The following CANX variants were observed in gnomAD, a reference collection of about 807,000 sequenced individuals.
CANX encodes the protein epididymis secretory sperm binding protein.
Under a neutral mutation model 75.7 loss-of-function variants are expected in CANX, and 14 were observed. The ratio of observed to expected loss-of-function variants is 0.19; its 90% CI spans 0.12 to 0.29. The LOEUF is 0.29. Ranked by LOEUF, CANX falls within the 10% of genes least tolerant of loss-of-function variation. CANX has a pLI of 1.00. For synonymous variants in CANX, 227 were observed against 236.9 expected, an observed-to-expected ratio of 0.96 and a Z score of 0.38; for missense variants, 567 against 713.2, an observed-to-expected ratio of 0.79 and a Z score of 2.34.
Position 179,686,102 on chromosome 5 carries a change from C to CTTTTTTTTTTTTTTTTTT in CANX, c.-4+7339_-4+7340insTTTTTTTTTTTTTTTTTT, listed in dbSNP as rs757104413. 2.3e-5 allele frequency among the ~76,000 whole-genome samples: 3 copies of CTTTTTTTTTTTTTTTTTT among 128,622 alleles called. 1 individual carries two copies. The highest frequency in any genetic ancestry group is 2.8e-5 in the African/African-American group (1 of 35,180). 84.4% of individuals were successfully genotyped at this position (128,622 alleles called of 152,430 possible). On this transcript the variant is annotated intron_variant, in intron 1 of 14. Coordinates refer to the CANX transcript ENST00000681674. ...ATTTTGATGAAGTGGTTGTTCAAGTCTTTTTTTTTTTTTTGAGACGGAGTC... is the reference window on the plus strand; with the variant it reads ...ATTTTGATGAAGTGGTTGTTCAAGTCTTTTTTTTTTTTTTTTTTTTTTTTTTTTTTTTGAGACGGAGTC...
chr5:179,719,223 C>T (rs927792667), intron 8 of CANX, among the ~76,000 whole-genome samples: 4 of 152,306 alleles, frequency 2.6e-5, no homozygotes, highest in Admixed American at 2.0e-4. Context: ...TTTACTTTCC[C>T]ACCAGCAGTG....
At chr5:179,688,361 A>ATT (rs35948508) in intron 1 of CANX, among the ~76,000 whole-genome samples, 6,721 of 95,618 alleles carry the variant, frequency 0.07, 699 homozygotes, top group African/African-American at 0.19. Context: ...CCTAAGGTCA[A>ATT]TTTTTTTTTT....
chr5:179,688,555 G>T (rs55702506), intron 1 of CANX, among the ~76,000 whole-genome samples: 48,307 of 149,522 alleles, frequency 0.32, 8,441 homozygotes, highest in South Asian at 0.53. Flanking sequence ...AGTAGAGACG[G>T]GGTCTCACCG....
chr5:179,689,299 C>A (rs1478494562), intron 1 of CANX, among the ~76,000 whole-genome samples: 2 of 150,184 alleles, frequency 1.3e-5, no homozygotes, highest in South Asian at 4.2e-4. Context: ...TCAGACCGAT[C>A]ATAGATGACC....
At chr5:179,711,291 A>G (rs1244525767) in intron 7 of CANX, among the ~76,000 whole-genome samples, 1 of 151,836 alleles carries the variant, frequency 6.6e-6, no homozygotes, top group East Asian at 1.9e-4. Context: ...GTATAGTGGC[A>G]TGTGCCTGTA....
chr5:179,724,243 T>G (rs914313876), intron 12 of CANX, among the ~76,000 whole-genome samples: 7 of 152,144 alleles, frequency 4.6e-5, no homozygotes, highest in African/African-American at 1.7e-4. Flanking sequence ...AGCCTTTTTT[T>G]TTTTGCATGC....
chr5:179,724,257 C>T (rs926471065), intron 12 of CANX, among the ~76,000 whole-genome samples: 1 of 150,726 alleles, frequency 6.6e-6, no homozygotes, highest in East Asian at 1.9e-4. Context: ...TGCATGCTAT[C>T]ATAAAAAAAG....
At chr5:179,721,676 G>T (rs1185009833) in intron 10 of CANX, among the ~76,000 whole-genome samples, 2 of 152,066 alleles carry the variant, frequency 1.3e-5, no homozygotes, top group Admixed American at 6.6e-5. Flanking sequence ...GAGGCTTTAG[G>T]CCTCATGCAA....
rs749688207 is a variant in CANX at position 179,709,011 on chromosome 5, T to C, written c.480T>C (p.Cys160=). The change falls in exon 6 of 15, where the codon TGT becomes TGC. Residue 160 remains cysteine (C), a synonymous_variant. Transcript: ENST00000247461. ...YEVNFQNGIE[C]GGAYVKLLSK... is the part of the protein sequence containing the mutation. Reference sequence around the variant, plus strand: ...TTAATTTCCAAAATGGAATAGAATGTGGTGGTGCCTATGTGAAACTGCTTT... The same window carrying C: ...TTAATTTCCAAAATGGAATAGAATGCGGTGGTGCCTATGTGAAACTGCTTT... 6.2e-7 allele frequency: 1 copy of C among 1,602,428 alleles called. No homozygotes were observed.
chr5:179,704,139 GT>G (rs1349951171), intron 1 of CANX: 1 of 152,122 alleles, frequency 6.6e-6, no homozygotes, highest in Non-Finnish European at 1.5e-5. Flanking sequence ...GTGTAGCTCA[GT>G]TTTTATTTCT....
chr5:179,727,393 T>C lies in CANX; in HGVS notation c.1725+634T>C, dbSNP rs569612387. On this transcript the variant is annotated intron_variant, in intron 14 of 14. Coordinates refer to ENST00000247461, the MANE Select transcript of CANX (RefSeq NM_001746.4). Reference sequence around the variant, plus strand: ...TAGGCGGGTCACCATGTTAAAACCTTACTCGAAAGATGACATCGAACCAAA... The same window carrying C: ...TAGGCGGGTCACCATGTTAAAACCTCACTCGAAAGATGACATCGAACCAAA... Among the ~76,000 whole-genome samples the C allele has an allele frequency of 2.6e-5, 4 of 152,322 alleles. No homozygotes were observed. The East Asian group carries it at 7.7e-4, about 29-fold the overall frequency.
At chr5:179,684,919 ATTTTGTATT>A (rs1421666695) in intron 1 of CANX, among the ~76,000 whole-genome samples, 2 of 95,232 alleles carry the variant, frequency 2.1e-5, no homozygotes, top group African/African-American at 8.6e-5. Context: ...CACCTGGCTA[ATTTTGTATT>A]TTTTTTTTTT....
upstream of CANX, among the ~76,000 whole-genome samples, chr5:179,696,421 G>A (rs1254427050): frequency 1.3e-5 from 2 of 151,772 alleles, no homozygotes; most frequent in East Asian, 1.9e-4. Context: ...GACTATAGGT[G>A]TGCACCAGTA....
At position 179,716,182 on chromosome 5, in the gene CANX, A is replaced by G; in HGVS notation, c.799A>G (p.Thr267Ala). The G allele has an allele frequency of 6.2e-7, 1 of 1,612,964 alleles. No homozygotes were observed. The highest frequency in any genetic ancestry group is 1.1e-5 in the South Asian group (1 of 91,070). The change falls in exon 8 of 15, where the codon ACT becomes GCT. Residue 267 changes from threonine to alanine, a missense_variant. Physicochemically the swap from Thr to Ala is moderately conservative, Grantham distance 58. Transcript: ENST00000247461. Reference protein sequence around the residue: ...VNSGNLLNDMTPPVNPSREIE... With the variant: ...VNSGNLLNDMAPPVNPSREIE... ...TAGTGGAAATCTGCTCAATGACATG[A>G]CTCCTCCTGTAAATCCTTCACGTGA...
At chr5:179,687,993 C>A (rs1217072944) in intron 1 of CANX, among the ~76,000 whole-genome samples, 2 of 150,916 alleles carry the variant, frequency 1.3e-5, no homozygotes, top group African/African-American at 4.9e-5. Flanking sequence ...CAAGATAGTG[C>A]CACTGCACTC....
intron 4 of CANX, among the ~76,000 whole-genome samples, chr5:179,707,583 CAAAAAAAAA>C (rs1200030925): frequency 1.4e-4 from 8 of 57,318 alleles, no homozygotes; most frequent in African/African-American, 5.6e-4. Flanking sequence ...GACTCCGTCT[CAAAAAAAAA>C]AAAAAAAAAA....
At chr5:179,725,979 T>C (rs1413878793) in intron 13 of CANX, among the ~76,000 whole-genome samples, 1 of 121,944 alleles carries the variant, frequency 8.2e-6, no homozygotes, top group Non-Finnish European at 1.7e-5. Flanking sequence ...AGAGCGAGAC[T>C]GAGTCTCAAA....
chr5:179,691,918 C>G (rs1776305151), intron 1 of CANX, among the ~76,000 whole-genome samples: 1 of 151,714 alleles, frequency 6.6e-6, no homozygotes. Context: ...GCTGGGACTA[C>G]AGGCACCCGC....
chr5:179,686,983 G>T (rs1037256825), intron 1 of CANX, among the ~76,000 whole-genome samples: 7 of 152,014 alleles, frequency 4.6e-5, no homozygotes, highest in East Asian at 1.9e-4. Context: ...TGCCATATTG[G>T]TCAGGCTGGT....
Sources: gnomAD v4.1 joint callset for allele counts (sites outside exome capture counted in the v4.1 genomes callset) on GRCh38, gnomAD v4.1.1 for gene constraint, MANE v1.5 for transcripts, NCBI Gene and HGNC (gene_info 2026-07-23, HGNC 2026-07-21) for gene names.